KIAA1328: variants seen among roughly 807,000 people sequenced by gnomAD.
The protein encoded by KIAA1328 is KIAA1328, also known as protein hinderin.
In KIAA1328, 52 loss-of-function variants were observed where a neutral mutation model predicts 68.1. That is an observed-to-expected ratio of 0.76 (90% CI 0.61 to 0.96). The LOEUF (loss-of-function observed/expected upper bound fraction) is 0.96. Ranked by LOEUF, KIAA1328 falls within the 40% of genes least tolerant of loss-of-function variation. The pLI, the probability that KIAA1328 is intolerant of heterozygous loss-of-function variation, is 0.00. For missense variants in KIAA1328, 641 were observed against 677.6 expected, an observed-to-expected ratio of 0.95 and a Z score of 0.60; for synonymous variants, 232 against 239.4, an observed-to-expected ratio of 0.97 and a Z score of 0.28.
intron 5 of KIAA1328, among the ~76,000 whole-genome samples, chr18:36,920,321 GC>G (rs1556821574): frequency 6.6e-6 from 1 of 152,086 alleles, no homozygotes; most frequent in Non-Finnish European, 1.5e-5. Flanking sequence ...TTTCCCCATT[GC>G]TTATTATTGT....
At chr18:37,135,017 A>G (rs1340219385) in intron 7 of KIAA1328, among the ~76,000 whole-genome samples, 1 of 152,214 alleles carries the variant, frequency 6.6e-6, no homozygotes, top group African/African-American at 2.4e-5. Context: ...CATGTTGCTA[A>G]AAAGGACATC....
chr18:37,113,563 T>G (rs2058006439), intron 7 of KIAA1328, among the ~76,000 whole-genome samples: 1 of 152,116 alleles, frequency 6.6e-6, no homozygotes, highest in Admixed American at 6.6e-5. Context: ...CATGCCAAAT[T>G]GTAAAGACCA....
chr18:37,099,136 T>C (rs1030313116), intron 7 of KIAA1328, among the ~76,000 whole-genome samples: 2 of 152,230 alleles, frequency 1.3e-5, no homozygotes, highest in African/African-American at 4.8e-5. Context: ...GTGTTTGCTC[T>C]TGCTTCTCTA....
intron 7 of KIAA1328, chr18:37,074,823 T>C (rs1430877101): frequency 6.5e-6 from 1 of 152,742 alleles, no homozygotes; most frequent in African/African-American, 2.4e-5. Context: ...CTTTGTTCCG[T>C]TGCTGGTGAG....
intron 8 of KIAA1328, among the ~76,000 whole-genome samples, chr18:37,172,531 T>C (rs1016111743): frequency 6.6e-6 from 1 of 152,156 alleles, no homozygotes; most frequent in Non-Finnish European, 1.5e-5. Flanking sequence ...CAATGTTGAG[T>C]TCTCTAAAAG....
intron 5 of KIAA1328, among the ~76,000 whole-genome samples, chr18:36,943,490 A>G (rs1036417133): frequency 2.6e-5 from 4 of 152,232 alleles, no homozygotes; most frequent in Admixed American, 1.3e-4. Context: ...TGTTAAGTCC[A>G]GTAGTCTTGC....
At chr18:37,150,492 C>T (rs1406523255) in intron 7 of KIAA1328, among the ~76,000 whole-genome samples, 1 of 151,758 alleles carries the variant, frequency 6.6e-6, no homozygotes, top group Non-Finnish European at 1.5e-5. Context: ...TTTGTGAGGT[C>T]TGAACCTGGT....
At chr18:36,988,806 A>G (rs527469263) in intron 6 of KIAA1328, among the ~76,000 whole-genome samples, 4 of 478 alleles carry the variant, frequency 8.4e-3, no homozygotes, top group African/African-American at 9.6e-3. Context: ...CATATAATTT[A>G]TACTGTTTAT....
chr18:36,867,217 C>T (rs2047784255), intron 4 of KIAA1328, among the ~76,000 whole-genome samples: 1 of 152,130 alleles, frequency 6.6e-6, no homozygotes, highest in African/African-American at 2.4e-5. Context: ...TCACTGTTCT[C>T]ACTATCATGA....
At chr18:36,932,346 A>G (rs943049039) in intron 5 of KIAA1328, among the ~76,000 whole-genome samples, 1 of 152,158 alleles carries the variant, frequency 6.6e-6, no homozygotes, top group African/African-American at 2.4e-5. Context: ...CAGCCCCACA[A>G]GTTGCTGGGA....
At chr18:37,219,642 G>A (rs1264748210) in intron 9 of KIAA1328, among the ~76,000 whole-genome samples, 1 of 152,230 alleles carries the variant, frequency 6.6e-6, no homozygotes, top group African/African-American at 2.4e-5. Flanking sequence ...GCCAGGTGTG[G>A]TTTATAATCT....
At chr18:37,049,271 G>C (rs886392526) in intron 6 of KIAA1328, among the ~76,000 whole-genome samples, 16 of 152,112 alleles carry the variant, frequency 1.1e-4, no homozygotes, top group Non-Finnish European at 2.4e-4. Context: ...GCGGTGCCTG[G>C]GAAGGCACAA....
At chr18:36,831,483 C>T (rs1216420748) in intron 1 of KIAA1328, among the ~76,000 whole-genome samples, 1 of 152,112 alleles carries the variant, frequency 6.6e-6, no homozygotes, top group Non-Finnish European at 1.5e-5. Flanking sequence ...TTGCCTTTGT[C>T]CTTCATTACA....
At chr18:36,829,711 A>G (rs2046395079) in intron 1 of KIAA1328, among the ~76,000 whole-genome samples, 1 of 152,140 alleles carries the variant, frequency 6.6e-6, no homozygotes, top group South Asian at 2.1e-4. Flanking sequence ...CTGGGGTTTT[A>G]GGAGAGGTGT....
chr18:37,012,200 G>A (rs1346759953), intron 6 of KIAA1328, among the ~76,000 whole-genome samples: 4 of 152,178 alleles, frequency 2.6e-5, no homozygotes, highest in African/African-American at 7.2e-5. Context: ...CAACACTGGA[G>A]CTGTGTTGGA....
chr18:36,875,483 A>G (rs1328997818), intron 4 of KIAA1328, among the ~76,000 whole-genome samples: 1 of 152,166 alleles, frequency 6.6e-6, no homozygotes, highest in Non-Finnish European at 1.5e-5. Context: ...TTATTGGTGT[A>G]TAGGAATGCT....
At chr18:37,169,201 T>C (rs2059449763) in intron 8 of KIAA1328, among the ~76,000 whole-genome samples, 1 of 151,384 alleles carries the variant, frequency 6.6e-6, no homozygotes, top group East Asian at 1.9e-4. Flanking sequence ...AGTCTGGCAC[T>C]GTCGCCCGGG....
At chr18:36,964,518 A>G (rs1167340958) in intron 6 of KIAA1328, among the ~76,000 whole-genome samples, 2 of 152,144 alleles carry the variant, frequency 1.3e-5, no homozygotes, top group Non-Finnish European at 2.9e-5. Flanking sequence ...AGAATGCCCT[A>G]GCTTATGATT....
At chr18:37,027,997 C>A (rs533608816) in intron 6 of KIAA1328, among the ~76,000 whole-genome samples, 2 of 152,234 alleles carry the variant, frequency 1.3e-5, no homozygotes, top group South Asian at 4.1e-4. Context: ...CTACAAAGAA[C>A]TCAAACAAAT....
Sources: gnomAD v4.1 joint callset for allele counts (sites outside exome capture counted in the v4.1 genomes callset) on GRCh38, gnomAD v4.1.1 for gene constraint, MANE v1.5 for transcripts, NCBI Gene and HGNC (gene_info 2026-07-23, HGNC 2026-07-21) for gene names.